Variants in HDAC9 observed in about 807,000 individuals in gnomAD.
HDAC9 encodes MEF-2 interacting transcription repressor (MITR) protein.
In HDAC9, 41 loss-of-function variants were observed where a neutral mutation model predicts 139.4. The observed-to-expected ratio is 0.29, with a 90% confidence interval of 0.23 to 0.38. The LOEUF is 0.38. HDAC9 is among the 10% of genes least tolerant of loss of function. HDAC9 has a pLI of 1.00. For missense variants in HDAC9, 1,147 were observed against 1,297.0 expected (o/e 0.88, Z 1.78); for synonymous variants, 517 against 476.2 (o/e 1.09, Z -1.12).
chr7:18,520,339 A>G (rs760189280), intron 2 of HDAC9, among the ~76,000 whole-genome samples: 6 of 152,132 alleles, frequency 3.9e-5, no homozygotes, highest in Non-Finnish European at 7.4e-5. Context: ...TTAGTTATAT[A>G]TCACAACTAT....
At chr7:18,348,714 C>G (rs1485539019) in intron 1 of HDAC9, among the ~76,000 whole-genome samples, 1 of 152,272 alleles carries the variant, frequency 6.6e-6, no homozygotes, top group East Asian at 1.9e-4. Context: ...CTTTCTCCTT[C>G]TGCCTTCTCT....
intron 1 of HDAC9, among the ~76,000 whole-genome samples, chr7:18,395,891 G>A (rs992786526): frequency 1.3e-5 from 2 of 152,064 alleles, no homozygotes; most frequent in East Asian, 3.9e-4. Flanking sequence ...AATTTAGGAG[G>A]TAGCTACCTT....
chr7:18,880,843 C>CGGG (rs33919260), intron 22 of HDAC9, among the ~76,000 whole-genome samples: 1 of 139,314 alleles, frequency 7.2e-6, no homozygotes, highest in African/African-American at 2.7e-5. Context: ...TAATAGTTGC[C>CGGG]GGGGGGGGGG....
At position 18,495,754 on chromosome 7, in the gene HDAC9, G is replaced by A. The variant is rs1000805956; in HGVS notation, c.-311G>A. The A allele has an allele frequency of 5.0e-6, 5 of 990,902 alleles. No homozygotes were observed. The African/African-American group carries it at 8.7e-5, about 17-fold the overall frequency. The allele number at this position is 990,902 out of a possible 1,614,324, so 61.4% of individuals were successfully genotyped here. On this transcript the variant is annotated 5_prime_UTR_variant, in exon 1 of 26. Transcript: ENST00000686413. Reference sequence around the variant, plus strand: ...GAGAGAGACTGAGAAAGGGGGAAGAGAGGCACAGACACAGATAGGAGAAGG... The same window carrying A: ...GAGAGAGACTGAGAAAGGGGGAAGAAAGGCACAGACACAGATAGGAGAAGG...
intron 1 of HDAC9, among the ~76,000 whole-genome samples, chr7:18,347,946 T>C (rs1241526439): frequency 1.3e-5 from 2 of 152,184 alleles, no homozygotes; most frequent in Non-Finnish European, 2.9e-5. Context: ...TATTGAGTTT[T>C]GAAATAGATA....
chr7:18,148,213 T>TATA (rs1396461295), intron 1 of HDAC9, among the ~76,000 whole-genome samples: 1 of 152,192 alleles, frequency 6.6e-6, no homozygotes, highest in African/African-American at 2.4e-5. Flanking sequence ...ATGAGAAATC[T>TATA]GACATGGTTC....
At chr7:18,442,477 C>G (rs980112517) in intron 1 of HDAC9, among the ~76,000 whole-genome samples, 3 of 152,176 alleles carry the variant, frequency 2.0e-5, no homozygotes, top group Non-Finnish European at 4.4e-5. Flanking sequence ...GGTACATCTC[C>G]CTCTCCACCT....
intron 2 of HDAC9, among the ~76,000 whole-genome samples, chr7:18,170,046 C>G (rs1001723798): frequency 6.6e-6 from 1 of 152,238 alleles, no homozygotes; most frequent in Non-Finnish European, 1.5e-5. Context: ...CTGTCTTCCA[C>G]AATGGTTGAA....
At chr7:18,927,969 A>C (rs1326673778) in intron 22 of HDAC9, among the ~76,000 whole-genome samples, 1 of 152,178 alleles carries the variant, frequency 6.6e-6, no homozygotes, top group African/African-American at 2.4e-5. Context: ...GGCATCAGCA[A>C]CGTCAACAAA....
At chr7:18,226,959 A>G (rs997590052) in intron 2 of HDAC9, among the ~76,000 whole-genome samples, 7 of 152,202 alleles carry the variant, frequency 4.6e-5, no homozygotes, top group African/African-American at 1.7e-4. Context: ...TGTAATTTGG[A>G]GGGAAGCAAA....
chr7:18,478,634 G>A (rs1795312059), intron 1 of HDAC9, among the ~76,000 whole-genome samples: 1 of 152,200 alleles, frequency 6.6e-6, no homozygotes, highest in Non-Finnish European at 1.5e-5. Context: ...ATTTAGGATT[G>A]TACCAGAATA....
At chr7:18,910,824 A>C (rs1336708260) in intron 22 of HDAC9, among the ~76,000 whole-genome samples, 1 of 151,798 alleles carries the variant, frequency 6.6e-6, no homozygotes, top group Non-Finnish European at 1.5e-5. Context: ...TAATCTTTTT[A>C]ATATGCTTTT....
intron 24 of HDAC9, among the ~76,000 whole-genome samples, chr7:18,957,150 A>G (rs987406300): frequency 2.0e-5 from 3 of 152,172 alleles, no homozygotes; most frequent in Non-Finnish European, 2.9e-5. Flanking sequence ...ACAAGATCGG[A>G]AAGCGATCTC....
chr7:18,823,622 G>A (rs779403024), intron 17 of HDAC9, among the ~76,000 whole-genome samples: 11 of 152,138 alleles, frequency 7.2e-5, no homozygotes, highest in Non-Finnish European at 1.3e-4. Context: ...ACAGGCCTAT[G>A]AGGAGATGAT....
chr7:18,676,152 A>G (rs993044596), intron 12 of HDAC9, among the ~76,000 whole-genome samples: 6 of 152,018 alleles, frequency 3.9e-5, no homozygotes, highest in Non-Finnish European at 8.8e-5. Context: ...GGCATTGTCT[A>G]GTAGCCTATA....
intron 1 of HDAC9, among the ~76,000 whole-genome samples, chr7:18,489,703 A>T (rs1203929401): frequency 6.6e-6 from 1 of 152,028 alleles, no homozygotes; most frequent in African/African-American, 2.4e-5. Context: ...TCAATATATG[A>T]AATAACTCAC....
intron 23 of HDAC9, among the ~76,000 whole-genome samples, chr7:18,936,480 G>A (rs1457515181): frequency 6.6e-6 from 1 of 152,068 alleles, no homozygotes; most frequent in Non-Finnish European, 1.5e-5. Context: ...AATGGCCAAA[G>A]ACCATTATAT....
At chr7:18,613,579 A>C (rs903725895) in intron 6 of HDAC9, among the ~76,000 whole-genome samples, 3 of 152,192 alleles carry the variant, frequency 2.0e-5, no homozygotes, top group Non-Finnish European at 4.4e-5. Context: ...ATTGAAATTT[A>C]CTACTATGTG....
chr7:18,782,854 CG>C (rs556969751), intron 16 of HDAC9, among the ~76,000 whole-genome samples: 1 of 151,918 alleles, frequency 6.6e-6, no homozygotes, highest in Non-Finnish European at 1.5e-5. Flanking sequence ...GGTCACGGAT[CG>C]GTGAATGAAC....
Sources: allele counts gnomAD v4.1 joint callset (sites outside exome capture counted in the v4.1 genomes callset), GRCh38; gene constraint gnomAD v4.1.1; transcripts MANE v1.5; gene names NCBI Gene and HGNC (gene_info 2026-07-23, HGNC 2026-07-21).